Variants in MED1 observed in about 807,000 individuals in gnomAD.
MED1 encodes mediator of RNA polymerase II transcription subunit 1.
Under a neutral mutation model 121.3 loss-of-function variants are expected in MED1, and 17 were observed. The observed-to-expected ratio is 0.14, with a 90% confidence interval of 0.10 to 0.21. The LOEUF (loss-of-function observed/expected upper bound fraction) is 0.21. MED1 is among the 10% of genes least tolerant of loss of function. The pLI, the probability that MED1 is intolerant of heterozygous loss-of-function variation, is 1.00. For missense variants in MED1, 1,558 were observed against 1,919.4 expected (o/e 0.81, Z 3.52); for synonymous variants, 661 against 694.4 (o/e 0.95, Z 0.76).
In MED1 at chr17:39,440,024, AAG is replaced by A. The variant is rs2048659114; in HGVS notation, c.399+360_399+361del. ...AAGGAAGGAAGGAAGGAAGGAAAGA[AAG>A]AAAGAAAGAGAGAAAGAGAAAGAAA... On this transcript the variant is annotated intron_variant, in intron 5 of 16. Transcript: ENST00000300651. This position sits in a 1 kb window ranked among gnomAD's most constrained non-coding sequence, Gnocchi z 4.1. Among the ~76,000 whole-genome samples the A allele has an allele frequency of 6.6e-6, 1 of 150,946 alleles. No homozygotes were observed. The highest frequency in any genetic ancestry group is 1.5e-5 in the Non-Finnish European group (1 of 67,778).
intron 2 of MED1, among the ~76,000 whole-genome samples, chr17:39,446,449 CAAAA>C (rs71300068): frequency 1.6e-5 from 1 of 61,926 alleles, no homozygotes; most frequent in Admixed American, 2.0e-4. Context: ...CACTCCATCT[CAAAA>C]AAAAAAAAAA....
At chr17:39,445,831 C>T (rs529017870) in intron 2 of MED1, among the ~76,000 whole-genome samples, 1 of 151,578 alleles carries the variant, frequency 6.6e-6, no homozygotes, top group East Asian at 2.0e-4. Flanking sequence ...GAGTTCAAGA[C>T]CAGCCTGGCT....
Position 39,405,096 on chromosome 17 carries a change from G to C in MED1, c.*2379C>G. 1 of 1,064,666 alleles carries C rather than the reference G, an allele frequency of 9.4e-7. No individual in the cohort carries two copies. Among genetic ancestry groups the C allele is most frequent in the South Asian group, 2.0e-5 (1 of 50,662 alleles). The allele number at this position is 1,064,666 out of a possible 1,614,324, so 66.0% of individuals were successfully genotyped here. The stretch of plus-strand genomic sequence containing the variant: ...TGAAACAGAAGAATGAGTACACCTA[G>C]ACAGGAGGGAGGTGTCCCAGGCTTG... On this transcript the variant is annotated 3_prime_UTR_variant, in exon 17 of 17. Transcript: ENST00000300651.
chr17:39,417,104 G>A (rs1002853407), intron 14 of MED1, among the ~76,000 whole-genome samples: 2 of 152,130 alleles, frequency 1.3e-5, no homozygotes, highest in African/African-American at 4.8e-5. Context: ...GCCGAGGCAG[G>A]CAGACCACTG....
chr17:39,425,024 C>T (rs775788350), intron 10 of MED1, among the ~76,000 whole-genome samples: 9 of 151,950 alleles, frequency 5.9e-5, no homozygotes, highest in Non-Finnish European at 1.2e-4. Context: ...GAACTACAGG[C>T]GCCCATCACC....
At position 39,410,381 on chromosome 17, in the gene MED1, C is replaced by T; in HGVS notation, c.1840G>A (p.Gly614Arg). Reference protein sequence around the residue: ...LTSLLQITGNGGSTIGSSPTP... With the variant: ...LTSLLQITGNRGSTIGSSPTP... ...GGACTCGAGCCAATGGTAGACCCCCCGTTCCCTGTGATTTGCAACAAACTG... is the reference window on the plus strand; with the variant it reads ...GGACTCGAGCCAATGGTAGACCCCCTGTTCCCTGTGATTTGCAACAAACTG... Residue 614 changes from glycine to arginine, a missense_variant, in exon 17 of 17, where the codon GGG becomes AGG. Transcript: ENST00000300651. 3 of 1,613,958 alleles carry T rather than the reference C, an allele frequency of 1.9e-6. No individual in the cohort carries two copies. The highest frequency in any genetic ancestry group is 2.5e-6 in the Non-Finnish European group (3 of 1,179,980).
chr17:39,426,919 C>CT (rs200475976), intron 10 of MED1, among the ~76,000 whole-genome samples: 2,092 of 149,444 alleles, frequency 0.014, 52 homozygotes, highest in African/African-American at 0.049. Context: ...GAAAACTTCA[C>CT]TTTTTTTTTG....
rs752099127 is a variant in MED1, at chr17:39,405,296, G to A, written c.*2179C>T. The stretch of plus-strand genomic sequence containing the variant: ...TTATCCTTCATCCAGATCCTAACTC[G>A]GGATTCTTTGATCTGGGATGAAGAC... On this transcript the variant is annotated 3_prime_UTR_variant, in exon 17 of 17. Transcript: ENST00000300651. 74 of 1,604,808 alleles carry A rather than the reference G, an allele frequency of 4.6e-5. 1 individual carries two copies. The highest frequency in any genetic ancestry group is 2.4e-4 in the Admixed American group (14 of 58,878).
Position 39,409,068 on chromosome 17 carries a change from A to G in MED1, c.3153T>C (p.Thr1051=). 6.2e-7 allele frequency: 1 copy of G among 1,614,036 alleles called. No individual in the cohort carries two copies. The highest frequency in any genetic ancestry group is 2.2e-5 in the East Asian group (1 of 44,878). ...TGGGTGGTGTGGCAACACCTGGGGG[A>G]GTCTGAGATCTTCCTGCACTGCCTG... is the stretch of plus-strand genomic sequence containing the variant. ...KSPGSAGRSQ[T]PPGVATPPIP... Residue 1051 remains threonine (T), a synonymous_variant, in exon 17 of 17, where the codon ACT becomes ACC. Transcript: ENST00000300651.
intron 16 of MED1, among the ~76,000 whole-genome samples, chr17:39,413,508 C>T (rs1460071186): frequency 6.6e-6 from 1 of 152,052 alleles, no homozygotes; most frequent in Non-Finnish European, 1.5e-5. Context: ...GTAATCTGCC[C>T]GCCTTGGCCT....
In MED1 at chr17:39,407,761, C is replaced by T. The variant is rs938885742; in HGVS notation, c.4460G>A (p.Arg1487Gln). 14 of 1,613,860 alleles carry T rather than the reference C, an allele frequency of 8.7e-6. No homozygotes were observed. The African/African-American group carries it at 9.4e-5, about 11-fold the overall frequency. ...CTCTGTGCTGTATTCTGGAAGTGGT[C>T]GGATACCATCGTCTGAGCTGGGACT... ...QNSPSSDDGI[R>Q]PLPEYSTEKH... The change falls in exon 17 of 17, where the codon CGA becomes CAA. Residue 1487 changes from arginine to glutamine, a missense_variant. This residue lies in a region of MED1 where 264 missense variants were observed against 326.1 expected (regional missense o/e 0.81). Coordinates refer to ENST00000300651, the MANE Select transcript of MED1 (RefSeq NM_004774.4).
chr17:39,434,226 G>T, intron 7 of MED1, 23 bp downstream of exon 7: 1 of 1,483,248 alleles, frequency 6.7e-7, no homozygotes, highest in South Asian at 1.3e-5. Context: ...ACAAACAAAA[G>T]CAAAAATATT....
At chr17:39,441,910 C>CT (rs2048678782) in intron 3 of MED1, among the ~76,000 whole-genome samples, 1 of 152,134 alleles carries the variant, frequency 6.6e-6, no homozygotes, top group African/African-American at 2.4e-5. Flanking sequence ...CAAGACCACC[C>CT]TGGCCAACAT....
intron 8 of MED1, 99 bp downstream of exon 8, chr17:39,431,843 T>C: frequency 2.7e-6 from 2 of 735,408 alleles, no homozygotes; most frequent in East Asian, 2.8e-5. Flanking sequence ...AAAGGACATA[T>C]TATCATACAG....
rs1030761780 is a variant in MED1, at chr17:39,451,243, C to T, written c.-181G>A. ...AGAGAAGGGTGCTCGAGGCCGCCGC[C>T]ATCTTCCCCAACGGAACTTCCCAAA... On this transcript the variant is annotated 5_prime_UTR_variant, in exon 1 of 17. It removes an upstream start codon present in the reference 5' UTR. Coordinates refer to ENST00000300651, the MANE Select transcript of MED1 (RefSeq NM_004774.4). The T allele has an allele frequency of 4.8e-6, 3 of 621,954 alleles. No homozygotes were observed. The African/African-American group carries it at 5.7e-5, about 12-fold the overall frequency. The allele number at this position is 621,954 out of a possible 1,614,324, so 38.5% of individuals were successfully genotyped here.
intron 7 of MED1, 144 bp downstream of exon 7, chr17:39,434,105 T>C: frequency 1.7e-6 from 1 of 575,946 alleles, no homozygotes; most frequent in Non-Finnish European, 3.1e-6. Flanking sequence ...AGGCCCAATG[T>C]TGGAAGCTGA....
chr17:39,407,568 G>A lies in MED1; in HGVS notation c.4653C>T (p.Ile1551=). The A allele has an allele frequency of 6.2e-7, 1 of 1,614,122 alleles. No individual in the cohort carries two copies. The highest frequency in any genetic ancestry group is 1.1e-5 in the South Asian group (1 of 91,090). Residue 1551 remains isoleucine, a synonymous_variant, in exon 17 of 17, where the codon ATC becomes ATT. Coordinates refer to ENST00000300651, the MANE Select transcript of MED1 (RefSeq NM_004774.4). ...GCCTTGAGGGTCTGTCTGCAGATAA[G>A]ATTGTGTTACTTGTCATAGACAAGG... ...DQSLSMTSNT[I]LSADRPSRLS... is the part of the protein sequence containing the mutation.
In MED1 at chr17:39,405,743, A is replaced by G; in HGVS notation, c.*1732T>C. On this transcript the variant is annotated 3_prime_UTR_variant, in exon 17 of 17. Transcript: ENST00000300651. ...GTGGCAGAGTTGTTGAGAGCTGATGACAATAAAAAGGAGAACACTAGAGGA... is the reference window on the plus strand; with the variant it reads ...GTGGCAGAGTTGTTGAGAGCTGATGGCAATAAAAAGGAGAACACTAGAGGA... The G allele has an allele frequency of 1.0e-6, 1 of 988,990 alleles. No homozygotes were observed. The highest frequency in any genetic ancestry group is 4.6e-5 in the South Asian group (1 of 21,518). The allele number at this position is 988,990 out of a possible 1,614,324, so 61.3% of individuals were successfully genotyped here.
intron 7 of MED1, among the ~76,000 whole-genome samples, chr17:39,433,940 C>A (rs1376874609): frequency 6.6e-6 from 1 of 152,114 alleles, no homozygotes; most frequent in African/African-American, 2.4e-5. Context: ...TTAATAGAAT[C>A]CCAGGTAGGT....
Sources: gnomAD v4.1 joint callset for allele counts (sites outside exome capture counted in the v4.1 genomes callset) on GRCh38, gnomAD v4.1.1 for gene constraint, gnomAD v4.1.1 regional missense constraint, Gnocchi (gnomAD v3.1) non-coding constraint, MANE v1.5 for transcripts, NCBI Gene and HGNC (gene_info 2026-07-23, HGNC 2026-07-21) for gene names.